Variants in AEBP1 observed in about 807,000 individuals in gnomAD.
AEBP1 encodes adipocyte enhancer-binding protein 1.
AEBP1 carries 69 observed loss-of-function variants against 116.5 expected under a neutral mutation model. That is an observed-to-expected ratio of 0.59 (90% CI 0.49 to 0.72). AEBP1 has a LOEUF of 0.72. Ranked by LOEUF, AEBP1 falls within the 30% of genes least tolerant of loss-of-function variation. The pLI is 0.00. For missense variants in AEBP1, 1,444 were observed against 1,557.5 expected, an observed-to-expected ratio of 0.93 and a Z score of 1.23; for synonymous variants, 627 against 627.3, an observed-to-expected ratio of 1.00 and a Z score of 0.01.
intron 1 of AEBP1, among the ~76,000 whole-genome samples, chr7:44,105,208 G>T (rs923686555): frequency 1.3e-5 from 2 of 152,228 alleles, no homozygotes; most frequent in African/African-American, 4.8e-5. Flanking sequence ...GTACGCGACA[G>T]GTACTAGGCT....
chr7:44,112,656 C>T lies in AEBP1; in HGVS notation c.2316C>T (p.Pro772=), dbSNP rs1472155258. The T allele has an allele frequency of 1.2e-6, 2 of 1,613,330 alleles. No individual in the cohort carries two copies. Among genetic ancestry groups the T allele is most frequent in the South Asian group, 1.1e-5 (1 of 91,082 alleles). ...LNGGERLVSY[P]YDMARTPTQE... ...GCGGCGAGCGGCTAGTATCCTACCC[C>T]TACGATATGGCCCGCACGCCTACCC... Residue 772 remains proline, a synonymous_variant, in exon 18 of 21, where the codon CCC becomes CCT. Transcript: ENST00000223357. The surrounding 1 kb of genome is among the most constrained non-coding windows in gnomAD (Gnocchi z 6.6).
In AEBP1 at chr7:44,113,799, A is replaced by AGACC; in HGVS notation, c.3016_3019dup (p.Pro1007ArgfsTer79). On this transcript the variant is annotated frameshift_variant, in exon 21 of 21. Coordinates refer to ENST00000223357, the MANE Select transcript of AEBP1 (RefSeq NM_001129.5). LOFTEE classifies it low-confidence loss of function (END_TRUNC). The surrounding 1 kb of genome is among the most constrained non-coding windows in gnomAD (Gnocchi z 5.3). ...ACGGGAACCGGCCTATCCCACACATAGACCCATCGCGCCCTATGACCCCCC... is the reference window on the plus strand; with the variant it reads ...ACGGGAACCGGCCTATCCCACACATAGACCGACCCATCGCGCCCTATGACCCCCC... 1 of 1,614,064 alleles carries AGACC rather than the reference A, an allele frequency of 6.2e-7. No individual in the cohort carries two copies.
chr7:44,111,463 GA>G lies in AEBP1; in HGVS notation c.1717-43del. 3 of 1,545,580 alleles carry G rather than the reference GA, an allele frequency of 1.9e-6. No homozygotes were observed. The highest frequency in any genetic ancestry group is 2.6e-6 in the Non-Finnish European group (3 of 1,144,986). ...AGTGGAAGGGGCATGGTCAGCGGGG[GA>G]CGGATTGCATGATTGATTCCACGTC... On this transcript the variant is annotated intron_variant, in intron 14 of 20. Transcript: ENST00000223357. This position sits in a 1 kb window ranked among gnomAD's most constrained non-coding sequence, Gnocchi z 4.7.
chr7:44,104,648 C>G lies in AEBP1; in HGVS notation c.-18C>G. On this transcript the variant is annotated 5_prime_UTR_variant, in exon 1 of 21. Coordinates refer to ENST00000223357, the MANE Select transcript of AEBP1 (RefSeq NM_001129.5). ...ACCCCCCGCGCCCTCCCCGGAGCCC[C>G]CCGCGCGTGCCGCGGCCATGGCGGC... 6.9e-7 allele frequency: 1 copy of G among 1,442,554 alleles called. No homozygotes were observed. The highest frequency in any genetic ancestry group is 9.1e-7 in the Non-Finnish European group (1 of 1,104,186). 89.4% of individuals were successfully genotyped at this position (1,442,554 alleles called of 1,614,324 possible).
chr7:44,109,352 G>C lies in AEBP1; in HGVS notation c.1150+11G>C, dbSNP rs201808105. The C allele has an allele frequency of 6.4e-7, 1 of 1,553,868 alleles. No individual in the cohort carries two copies. Among genetic ancestry groups the C allele is most frequent in the Non-Finnish European group, 8.7e-7 (1 of 1,146,076 alleles). On this transcript the variant is annotated intron_variant, in intron 9 of 20. Transcript: ENST00000223357. ...CTACGGAGAAAGTCAGTAAGTGGGG[G>C]GCACAAGGGGGTGAGGGTGGGGGCC...
At position 44,113,104 on chromosome 7, in the gene AEBP1, G is replaced by C; in HGVS notation, c.2683G>C (p.Glu895Gln). The stretch of plus-strand genomic sequence containing the variant: ...GCCCCGCGAGTGGGAGAACAACAAG[G>C]AGGCGCTGCTCACCTTCATGGAGCA... ...ELPREWENNK[E>Q]ALLTFMEQVH... Residue 895 changes from glutamate to glutamine, a missense_variant, in exon 19 of 21, where the codon GAG becomes CAG. Glu to Gln is a conservative substitution (Grantham distance 29, BLOSUM62 2). Coordinates refer to ENST00000223357, the MANE Select transcript of AEBP1 (RefSeq NM_001129.5). The surrounding 1 kb of genome is among the most constrained non-coding windows in gnomAD (Gnocchi z 5.3). 1.2e-6 allele frequency: 2 copies of C among 1,614,056 alleles called. No individual in the cohort carries two copies. Among genetic ancestry groups the C allele is most frequent in the South Asian group, 2.2e-5 (2 of 91,084 alleles).
Position 44,113,727 on chromosome 7 carries a change from C to T in AEBP1, c.2943C>T (p.Ile981=), listed in dbSNP as rs147631109. 8.7e-6 allele frequency: 14 copies of T among 1,613,980 alleles called. No homozygotes were observed. Among genetic ancestry groups the T allele is most frequent in the Non-Finnish European group, 1.2e-5 (14 of 1,179,996 alleles). The change falls in exon 21 of 21, where the codon ATC becomes ATT. Residue 981 remains isoleucine (I), a synonymous_variant. Transcript: ENST00000223357. The surrounding 1 kb of genome is among the most constrained non-coding windows in gnomAD (Gnocchi z 5.3). ...TCGGGGCCACTCAGTGCAACTTCATCCTGGCTCGCTCCAACTGGAAGCGCA... is the reference window on the plus strand; with the variant it reads ...TCGGGGCCACTCAGTGCAACTTCATTCTGGCTCGCTCCAACTGGAAGCGCA... The part of the protein sequence containing the change: ...YDIGATQCNF[I]LARSNWKRIR...
chr7:44,110,889 G>C (rs754876236), intron 12 of AEBP1, 24 bp from the exon 13 acceptor site: 1 of 1,613,718 alleles, frequency 6.2e-7, no homozygotes, highest in Non-Finnish European at 8.5e-7. Context: ...TGGCAGTACT[G>C]CTCTGAGGCC....
At position 44,113,280 on chromosome 7, in the gene AEBP1, C is replaced by T. The variant is rs986551502; in HGVS notation, c.2738C>T (p.Thr913Met). The change falls in exon 20 of 21, where the codon ACG becomes ATG. Residue 913 changes from threonine (T) to methionine (M), a missense_variant. Coordinates refer to ENST00000223357, the MANE Select transcript of AEBP1 (RefSeq NM_001129.5). This position sits in a 1 kb window ranked among gnomAD's most constrained non-coding sequence, Gnocchi z 5.3. ...QVHRGIKGVV[T>M]DEQGIPIANA... ...CACCGCGGCATTAAGGGGGTGGTGA[C>T]GGACGAGCAAGGCATCCCCATTGCC... is the stretch of plus-strand genomic sequence containing the variant. 6 of 1,613,562 alleles carry T rather than the reference C, an allele frequency of 3.7e-6. No individual in the cohort carries two copies. In the Admixed American group the frequency reaches 8.3e-5, roughly 22 times the overall value.
Position 44,110,215 on chromosome 7 carries a change from C to T in AEBP1, c.1269C>T (p.Ala423=). The T allele has an allele frequency of 6.2e-7, 1 of 1,613,682 alleles. No individual in the cohort carries two copies. The highest frequency in any genetic ancestry group is 8.5e-7 in the Non-Finnish European group (1 of 1,180,016). ...CCCTGCCCCCTGGACAGACCGGTGC[C>T]ACTGAGGACGACTACTATGATGGTG... ...QRGRLNMQTG[A]TEDDYYDGAW... is the part of the protein sequence containing the mutation. The change falls in exon 11 of 21, where the codon GCC becomes GCT. Residue 423 remains alanine (A), a synonymous_variant. Transcript: ENST00000223357.
rs1004010837 is a variant in AEBP1, at chr7:44,106,992, A to G, written c.595+105A>G. ...GGGGCCCTGCTTCCTATAGACCTTC[A>G]GCTCCCCACTGGATGGGAACCTCAC... is the stretch of plus-strand genomic sequence containing the variant. On this transcript the variant is annotated intron_variant, in intron 2 of 20. Coordinates refer to ENST00000223357, the MANE Select transcript of AEBP1 (RefSeq NM_001129.5). 3 of 840,696 alleles carry G rather than the reference A, an allele frequency of 3.6e-6. No homozygotes were observed. The African/African-American group carries it at 5.2e-5, about 14-fold the overall frequency. 52.1% of individuals were successfully genotyped at this position (840,696 alleles called of 1,614,324 possible). A position where few individuals can be genotyped will look rare whatever the true frequency, so the allele number is the denominator to read the frequency against.
Position 44,104,844 on chromosome 7 carries a change from C to T in AEBP1, c.179C>T (p.Pro60Leu). The T allele has an allele frequency of 6.3e-7, 1 of 1,583,974 alleles. No individual in the cohort carries two copies. Among genetic ancestry groups the T allele is most frequent in the Non-Finnish European group, 8.6e-7 (1 of 1,166,070 alleles). ...GACGACGTGGAGGCCCCGCCGCCTC[C>T]CGAGCCCACCCCGCGGGTCCGAAAA... The part of the protein sequence containing the change: ...REDDVEAPPP[P>L]EPTPRVRKAQ... Residue 60 changes from proline (P) to leucine (L), a missense_variant, in exon 1 of 21, where the codon CCC becomes CTC. Physicochemically the swap from Pro to Leu is moderately conservative, Grantham distance 98. Transcript: ENST00000223357.
rs775539934 is a variant in AEBP1 at position 44,111,707 on chromosome 7, C to G, written c.1840+77C>G. 1 of 1,586,056 alleles carries G rather than the reference C, an allele frequency of 6.3e-7. No individual in the cohort carries two copies. The highest frequency in any genetic ancestry group is 1.1e-5 in the South Asian group (1 of 88,084). On this transcript the variant is annotated intron_variant, in intron 15 of 20. Coordinates refer to ENST00000223357, the MANE Select transcript of AEBP1 (RefSeq NM_001129.5). The surrounding 1 kb of genome is among the most constrained non-coding windows in gnomAD (Gnocchi z 4.7). ...TCACTGCCTCCCGCCTGTTCCGGAGCCTCTCTGGGGATTCTGGCTTGTCTT... is the reference window on the plus strand; with the variant it reads ...TCACTGCCTCCCGCCTGTTCCGGAGGCTCTCTGGGGATTCTGGCTTGTCTT...
intron 1 of AEBP1, 35 bp downstream of exon 1, chr7:44,104,953 C>T (rs1416205916): frequency 1.4e-6 from 2 of 1,479,294 alleles, no homozygotes; most frequent in South Asian, 2.5e-5. Flanking sequence ...GTGTGGGGGG[C>T]TGGCATCTCA....
Position 44,110,091 on chromosome 7 carries a change from C to G in AEBP1, c.1227C>G (p.Gly409=). 2 of 1,613,130 alleles carry G rather than the reference C, an allele frequency of 1.2e-6. No homozygotes were observed. Among genetic ancestry groups the G allele is most frequent in the Non-Finnish European group, 1.7e-6 (2 of 1,180,004 alleles). Residue 409 remains glycine, a synonymous_variant, in exon 10 of 21, where the codon GGC becomes GGG. Transcript: ENST00000223357. ...QIRASSMLRH[G]LGAQRGRLNM... ...GAGCCTCCTCCATGCTGCGCCACGG[C>G]CTGGGGGCACAGCGCGGCCGGCTCA... is the stretch of plus-strand genomic sequence containing the variant.
At position 44,114,159 on chromosome 7, in the gene AEBP1, T is replaced by TGAGGAA; in HGVS notation, c.3381_3386dup (p.Glu1131_Glu1132dup). 1 of 1,613,868 alleles carries TGAGGAA rather than the reference T, an allele frequency of 6.2e-7. No individual in the cohort carries two copies. The highest frequency in any genetic ancestry group is 1.1e-5 in the South Asian group (1 of 91,062). On this transcript the variant is annotated inframe_insertion, in exon 21 of 21. Coordinates refer to ENST00000223357, the MANE Select transcript of AEBP1 (RefSeq NM_001129.5). Reference sequence around the variant, plus strand: ...TTGAGACCCAGCTGGAACCCGAGTTTGAGGAAGAGGAGGAGGAGGAGAAAG... The same window carrying TGAGGAA: ...TTGAGACCCAGCTGGAACCCGAGTTTGAGGAAGAGGAAGAGGAGGAGGAGGAGAAAG...
In AEBP1 at chr7:44,110,257, C is replaced by T. The variant is rs570426954; in HGVS notation, c.1311C>T (p.Asp437=). 9.9e-5 allele frequency: 159 copies of T among 1,613,766 alleles called. No individual in the cohort carries two copies. Among genetic ancestry groups the T allele is most frequent in the South Asian group, 5.5e-4 (50 of 91,076 alleles). Residue 437 remains aspartate (D), a synonymous_variant, in exon 11 of 21, where the codon GAC becomes GAT. Transcript: ENST00000223357. The stretch of plus-strand genomic sequence containing the variant: ...ATGATGGTGCGTGGTGTGCCGAGGA[C>T]GATGCCAGGACCCAGTGGATAGAGG... The part of the protein sequence containing the change: ...DYYDGAWCAE[D]DARTQWIEVD...
chr7:44,113,289 A>G lies in AEBP1; in HGVS notation c.2747A>G (p.Gln916Arg). ...ATTAAGGGGGTGGTGACGGACGAGC[A>G]AGGCATCCCCATTGCCAACGCCACC... ...RGIKGVVTDE[Q>R]GIPIANATIS... The change falls in exon 20 of 21, where the codon CAA becomes CGA. Residue 916 changes from glutamine (Q) to arginine (R), a missense_variant. By Grantham distance (43) the Gln-to-Arg change is conservative. Coordinates refer to ENST00000223357, the MANE Select transcript of AEBP1 (RefSeq NM_001129.5). This position sits in a 1 kb window ranked among gnomAD's most constrained non-coding sequence, Gnocchi z 5.3. 1 of 1,613,730 alleles carries G rather than the reference A, an allele frequency of 6.2e-7. No homozygotes were observed.
chr7:44,112,389 C>T lies in AEBP1; in HGVS notation c.2217+68C>T. The T allele has an allele frequency of 6.7e-7, 1 of 1,495,156 alleles. No homozygotes were observed. Among genetic ancestry groups the T allele is most frequent in the East Asian group, 2.3e-5 (1 of 43,548 alleles). The allele number at this position is 1,495,156 out of a possible 1,614,324, so 92.6% of individuals were successfully genotyped here. A position where few individuals can be genotyped will look rare whatever the true frequency, so the allele number is the denominator to read the frequency against. ...GACCCTGGGGTCCTGGTGTTCTGGG[C>T]TTGGGGGTGGGGCTGACGGTGCCTG... On this transcript the variant is annotated intron_variant, in intron 17 of 20. Coordinates refer to ENST00000223357, the MANE Select transcript of AEBP1 (RefSeq NM_001129.5). The surrounding 1 kb of genome is among the most constrained non-coding windows in gnomAD (Gnocchi z 6.6).
Sources: gnomAD v4.1 joint callset for allele counts (sites outside exome capture counted in the v4.1 genomes callset) on GRCh38, gnomAD v4.1.1 for gene constraint, Gnocchi (gnomAD v3.1) non-coding constraint, MANE v1.5 for transcripts, NCBI Gene and HGNC (gene_info 2026-07-23, HGNC 2026-07-21) for gene names.